TEP1: variants seen among roughly 807,000 people sequenced by gnomAD.
TEP1 encodes the protein telomerase associated protein 1.
In TEP1, 241 loss-of-function variants were observed where a neutral mutation model predicts 306.3. That is an observed-to-expected ratio of 0.79 (90% CI 0.71 to 0.88). The LOEUF is 0.88. Among genes scored for constraint, TEP1 ranks in the 40% least tolerant of loss-of-function variants. The pLI is 0.00. For missense variants in TEP1, 3,051 were observed against 3,276.1 expected, an observed-to-expected ratio of 0.93 and a Z score of 1.68; for synonymous variants, 1,289 against 1,305.5, an observed-to-expected ratio of 0.99 and a Z score of 0.27.
chr14:20,379,449 T>C (rs1885398125), intron 35 of TEP1, among the ~76,000 whole-genome samples: 1 of 152,212 alleles, frequency 6.6e-6, no homozygotes, highest in African/African-American at 2.4e-5. Flanking sequence ...ACTATTAGCC[T>C]CCCATAAGCA....
intron 18 of TEP1, among the ~76,000 whole-genome samples, chr14:20,387,276 A>G (rs73585190): frequency 0.51 from 73,556 of 144,380 alleles, 19,616 homozygotes; most frequent in African/African-American, 0.69. Flanking sequence ...GTCAGGCGCG[A>G]TGGCTCACGC....
chr14:20,378,918 T>C lies in TEP1; in HGVS notation c.5252+63A>G, dbSNP rs531998001. 12 of 1,613,784 alleles carry C rather than the reference T, an allele frequency of 7.4e-6. No individual in the cohort carries two copies. In the South Asian group the frequency reaches 1.3e-4, roughly 18 times the overall value. On this transcript the variant is annotated intron_variant, in intron 36 of 54. Coordinates refer to ENST00000262715, the MANE Select transcript of TEP1 (RefSeq NM_007110.5). ...CATCAGCTCCCTCCTCATTTCCTTCTCCTGGGGCTTCCAAAAAATGGGGAA... is the reference window on the plus strand; with the variant it reads ...CATCAGCTCCCTCCTCATTTCCTTCCCCTGGGGCTTCCAAAAAATGGGGAA...
Position 20,403,538 on chromosome 14 carries a change from A to G in TEP1, c.1195-90T>C, listed in dbSNP as rs1594372661. 2.2e-5 allele frequency: 35 copies of G among 1,596,028 alleles called. 1 individual carries two copies. In the South Asian group the frequency reaches 4.0e-4, roughly 18 times the overall value. ...ATAGCCCTGAAGGTGCATCTCTACC[A>G]AAAAGGAAGCCAACTAGAAAAGAAG... is the stretch of plus-strand genomic sequence containing the variant. On this transcript the variant is annotated intron_variant, in intron 6 of 54. Transcript: ENST00000262715.
intron 12 of TEP1, among the ~76,000 whole-genome samples, chr14:20,393,168 G>A (rs1877875327): frequency 6.6e-6 from 1 of 151,512 alleles, no homozygotes; most frequent in Non-Finnish European, 1.5e-5. Flanking sequence ...AGTGAGCCGA[G>A]ATTGTGCCAC....
Position 20,386,463 on chromosome 14 carries a change from C to T in TEP1, c.2845G>A (p.Glu949Lys), listed in dbSNP as rs758800739. 1.2e-6 allele frequency: 2 copies of T among 1,606,938 alleles called. No homozygotes were observed. The highest frequency in any genetic ancestry group is 3.3e-5 in the Admixed American group (2 of 59,714). ...IDLRWGVTEE[E>K]TRRNRQLEVC... Reference sequence around the variant, plus strand: ...CCCCCACACCTGTTCCTACGGGTCTCCTCCTCAGTGACGCCCCAGCGGAGG... The same window carrying T: ...CCCCCACACCTGTTCCTACGGGTCTTCTCCTCAGTGACGCCCCAGCGGAGG... Residue 949 changes from glutamate (E) to lysine (K), a missense_variant, in exon 19 of 55, where the codon GAG (glutamate) becomes AAG (lysine). Glu to Lys is a moderately conservative substitution (Grantham distance 56). Transcript: ENST00000262715.
chr14:20,408,824 AT>A (rs2139209031), intron 1 of TEP1, among the ~76,000 whole-genome samples: 1 of 151,732 alleles, frequency 6.6e-6, no homozygotes, highest in South Asian at 2.1e-4. Context: ...AAAATAAAAA[AT>A]ATTTCTTAAA....
intron 2 of TEP1, among the ~76,000 whole-genome samples, chr14:20,407,435 G>A (rs548184058): frequency 9.1e-4 from 139 of 152,200 alleles, no homozygotes; most frequent in Non-Finnish European, 1.7e-3. Flanking sequence ...CTCGCCTCCC[G>A]GTTTAAGCAA....
intron 17 of TEP1, 98 bp from the exon 18 acceptor site, chr14:20,388,161 T>C (rs1481793120): frequency 7.4e-7 from 1 of 1,358,814 alleles, no homozygotes; most frequent in Non-Finnish European, 1.0e-6. Flanking sequence ...TGTCCAGGTT[T>C]GGTGACCAGT....
chr14:20,400,811 C>T (rs1231457773), intron 9 of TEP1, 173 bp downstream of exon 9: 6 of 731,506 alleles, frequency 8.2e-6, no homozygotes, highest in Non-Finnish European at 1.3e-5. Context: ...TTACTCAAAG[C>T]AGGTACCACT....
In TEP1 at chr14:20,381,815, T is replaced by C. The variant is rs956114562; in HGVS notation, c.4424+98A>G. 2.6e-6 allele frequency: 4 copies of C among 1,546,654 alleles called. No homozygotes were observed. Among genetic ancestry groups the C allele is most frequent in the African/African-American group, 2.7e-5 (2 of 72,738 alleles). ...AGCAGCTGGAGCAGTAGCTCATTCA[T>C]GGTCTGGGAGCCAGTTGTTGAAGCT... On this transcript the variant is annotated intron_variant, in intron 30 of 54. Coordinates refer to ENST00000262715, the MANE Select transcript of TEP1 (RefSeq NM_007110.5). The surrounding 1 kb of genome is among the most constrained non-coding windows in gnomAD (Gnocchi z 4.0).
rs776649262 is a variant in TEP1 at position 20,373,140 on chromosome 14, T to C, written c.6822A>G (p.Thr2274=). Residue 2274 remains threonine, a synonymous_variant, in exon 48 of 55, where the codon ACA becomes ACG. Coordinates refer to ENST00000262715, the MANE Select transcript of TEP1 (RefSeq NM_007110.5). ...LWQVPKEADD[T]CIPRSSAAVT... Reference sequence around the variant, plus strand: ...CGGCTGCAGAACTCCTTGGTATACATGTGTCATCTGGAGGAGAAAGGACGT... The same window carrying C: ...CGGCTGCAGAACTCCTTGGTATACACGTGTCATCTGGAGGAGAAAGGACGT... 6.2e-6 allele frequency: 10 copies of C among 1,614,186 alleles called. No individual in the cohort carries two copies. The highest frequency in any genetic ancestry group is 3.3e-5 in the South Asian group (3 of 91,074).
At chr14:20,372,173 G>A (rs1437420087) in intron 49 of TEP1, among the ~76,000 whole-genome samples, 1 of 151,944 alleles carries the variant, frequency 6.6e-6, no homozygotes, top group Non-Finnish European at 1.5e-5. Context: ...GGAATCCAAG[G>A]AGCTGGCTAT....
intron 50 of TEP1, 62 bp from the exon 51 acceptor site, chr14:20,371,376 C>G: frequency 6.3e-7 from 1 of 1,598,204 alleles, no homozygotes; most frequent in South Asian, 1.1e-5. Flanking sequence ...GAGAAGAACA[C>G]CTCTCTTTAA....
At chr14:20,389,991 G>A (rs1877553736) in intron 15 of TEP1, among the ~76,000 whole-genome samples, 1 of 152,186 alleles carries the variant, frequency 6.6e-6, no homozygotes, top group African/African-American at 2.4e-5. Context: ...AAGTTTTCAG[G>A]AAGTTTGTGG....
At position 20,369,554 on chromosome 14, in the gene TEP1, G is replaced by A. The variant is rs537863733; in HGVS notation, c.7446C>T (p.Ser2482=). The change falls in exon 53 of 55, where the codon AGC becomes AGT. Residue 2482 remains serine (S), a synonymous_variant. Transcript: ENST00000262715. ...PESESSFLCA[S]SDGILWNLAK... is the part of the protein sequence containing the mutation. The stretch of plus-strand genomic sequence containing the variant: ...CCAGGTTCCATAGGATCCCATCAGA[G>A]CTGGCACACAAAAATGAGGACTCTG... 3.7e-6 allele frequency: 6 copies of A among 1,614,112 alleles called. No individual in the cohort carries two copies. The African/African-American group carries it at 8.0e-5, about 22-fold the overall frequency.
In TEP1 at chr14:20,381,606, C is replaced by T. The variant is rs752604869; in HGVS notation, c.4505G>A (p.Arg1502His). The T allele has an allele frequency of 5.6e-6, 9 of 1,613,964 alleles. No homozygotes were observed. The highest frequency in any genetic ancestry group is 1.3e-5 in the African/African-American group (1 of 75,060). The change falls in exon 31 of 55, where the codon CGT (arginine) becomes CAT (histidine). Residue 1502 changes from arginine to histidine, a missense_variant. Transcript: ENST00000262715. This position sits in a 1 kb window ranked among gnomAD's most constrained non-coding sequence, Gnocchi z 4.0. ...PDGPLRTAAK[R>H]CYGKRPGLED... is the part of the protein sequence containing the mutation. The stretch of plus-strand genomic sequence containing the variant: ...TAGCCCTGGCCTCTTCCCATAGCAA[C>T]GTTTAGCTGCTGTTCTCAGGGGCCC...
intron 15 of TEP1, among the ~76,000 whole-genome samples, chr14:20,390,018 G>A (rs1877556948): frequency 6.6e-6 from 1 of 152,084 alleles, no homozygotes; most frequent in African/African-American, 2.4e-5. Flanking sequence ...GTTAAAGGTG[G>A]ACATTATTAA....
chr14:20,403,634 G>A (rs1878936115), intron 6 of TEP1, 89 bp downstream of exon 6: 4 of 1,598,858 alleles, frequency 2.5e-6, no homozygotes, highest in Non-Finnish European at 3.4e-6. Context: ...TTTGCTCCTG[G>A]TGTGGGACTC....
intron 43 of TEP1, 72 bp downstream of exon 43, chr14:20,375,683 G>C: frequency 1.1e-6 from 1 of 932,498 alleles, no homozygotes; most frequent in South Asian, 1.4e-5. Context: ...CCAGAAAAAG[G>C]ACGAGGTGGG....
Sources: allele counts gnomAD v4.1 joint callset (sites outside exome capture counted in the v4.1 genomes callset), GRCh38; gene constraint gnomAD v4.1.1; non-coding constraint Gnocchi (gnomAD v3.1); transcripts MANE v1.5; gene names NCBI Gene and HGNC (gene_info 2026-07-23, HGNC 2026-07-21).